Variants in PCCA observed in about 807,000 individuals in gnomAD.
PCCA encodes the protein propionyl-CoA carboxylase alpha chain, mitochondrial.
A neutral mutation model predicts 101.3 loss-of-function variants in PCCA; 74 were observed. The ratio of observed to expected loss-of-function variants is 0.73; its 90% confidence interval spans 0.61 to 0.89. The LOEUF (loss-of-function observed/expected upper bound fraction) is 0.89. Among genes scored for constraint, PCCA ranks in the 40% least tolerant of loss-of-function variants. PCCA has a pLI of 0.00. For synonymous variants in PCCA, 294 were observed against 313.6 expected (o/e 0.94, Z 0.66); for missense variants, 891 against 907.0 (o/e 0.98, Z 0.23).
At chr13:100,319,276 T>G (rs1283410296) in intron 16 of PCCA, among the ~76,000 whole-genome samples, 3 of 152,160 alleles carry the variant, frequency 2.0e-5, no homozygotes, top group African/African-American at 4.8e-5. Flanking sequence ...TTTCTCCCAT[T>G]CTGTAGGTTG....
chr13:100,308,758 T>C (rs1212137414), intron 15 of PCCA, among the ~76,000 whole-genome samples: 3 of 152,230 alleles, frequency 2.0e-5, no homozygotes, highest in Non-Finnish European at 4.4e-5. Flanking sequence ...ATGAATGTTT[T>C]TCTCTTCAGA....
chr13:100,453,959 C>T (rs561540013), intron 21 of PCCA, among the ~76,000 whole-genome samples: 1 of 152,270 alleles, frequency 6.6e-6, no homozygotes, highest in African/African-American at 2.4e-5. Flanking sequence ...CAAGCTCCGC[C>T]TCCTGGGTTC....
In PCCA at chr13:100,515,462, A is replaced by T; in HGVS notation, c.1935A>T (p.Glu645Asp). The change falls in exon 22 of 24, where the codon GAA (glutamate) becomes GAT (aspartate). Residue 645 changes from glutamate to aspartate, a missense_variant. By Grantham distance (45) the Glu-to-Asp change is conservative (BLOSUM62 2). Coordinates refer to ENST00000376285, the MANE Select transcript of PCCA (RefSeq NM_000282.4). ...KVNILTRLAA[E>D]LNKFMLEKVT... ...ATATCTTAACCAGACTTGCCGCAGA[A>T]TTGAACAAATTTATGCTGGAAAAAG... is the stretch of plus-strand genomic sequence containing the variant. 1 of 1,614,180 alleles carries T rather than the reference A, an allele frequency of 6.2e-7. No homozygotes were observed. The highest frequency in any genetic ancestry group is 8.5e-7 in the Non-Finnish European group (1 of 1,180,012).
At chr13:100,303,092 A>G (rs1351650434) in intron 14 of PCCA, 94 bp downstream of exon 14, 1 of 813,452 alleles carries the variant, frequency 1.2e-6, no homozygotes, top group Non-Finnish European at 2.2e-6. Context: ...AAGGGTGTAA[A>G]TTGAAGGACA....
chr13:100,347,428 CTT>C (rs967697835), intron 18 of PCCA, among the ~76,000 whole-genome samples: 1 of 152,126 alleles, frequency 6.6e-6, no homozygotes, highest in African/African-American at 2.4e-5. Flanking sequence ...TACCTACACT[CTT>C]TTTTTCTTGT....
chr13:100,522,118 C>T (rs1483897703), intron 22 of PCCA, among the ~76,000 whole-genome samples: 1 of 152,230 alleles, frequency 6.6e-6, no homozygotes, highest in African/African-American at 2.4e-5. Context: ...TTCGGAAGTG[C>T]TTCATGCCCT....
intron 7 of PCCA, among the ~76,000 whole-genome samples, chr13:100,210,405 G>C (rs1177735232): frequency 6.6e-6 from 1 of 152,222 alleles, no homozygotes; most frequent in African/African-American, 2.4e-5. Flanking sequence ...TGTACTGTCA[G>C]ATCTCTGGAC....
chr13:100,335,006 A>G (rs932693896), intron 17 of PCCA, among the ~76,000 whole-genome samples: 2 of 152,244 alleles, frequency 1.3e-5, no homozygotes, highest in Non-Finnish European at 2.9e-5. Flanking sequence ...CTTCTAAAAG[A>G]AAAGAAAGAA....
chr13:100,389,405 C>T (rs1413570783), intron 19 of PCCA, among the ~76,000 whole-genome samples: 7 of 152,158 alleles, frequency 4.6e-5, no homozygotes. Context: ...AAACCAAATG[C>T]CGCATGTTCA....
intron 12 of PCCA, among the ~76,000 whole-genome samples, chr13:100,275,068 G>A (rs1173441780): frequency 6.7e-6 from 1 of 149,032 alleles, no homozygotes; most frequent in African/African-American, 2.4e-5. Flanking sequence ...GGGGGGGAGG[G>A]GGTGTTGAGT....
intron 4 of PCCA, among the ~76,000 whole-genome samples, chr13:100,142,881 G>T (rs1397933510): frequency 6.6e-6 from 1 of 152,184 alleles, no homozygotes; most frequent in Admixed American, 6.5e-5. Flanking sequence ...TCAGCTGGTG[G>T]CCCAGCATAG....
chr13:100,498,606 G>A (rs967686883), intron 21 of PCCA, among the ~76,000 whole-genome samples: 1 of 152,056 alleles, frequency 6.6e-6, no homozygotes, highest in African/African-American at 2.4e-5. Flanking sequence ...GTTCCAAGAC[G>A]ATTCATCACC....
intron 5 of PCCA, 57 bp downstream of exon 5, chr13:100,155,149 T>TATA: frequency 3.5e-6 from 4 of 1,129,918 alleles, no homozygotes; most frequent in Non-Finnish European, 5.3e-6. Flanking sequence ...AGCAGAAAGC[T>TATA]AGAGTTTGTA....
chr13:100,272,428 A>G (rs2063363383), intron 11 of PCCA, among the ~76,000 whole-genome samples: 1 of 152,192 alleles, frequency 6.6e-6, no homozygotes, highest in East Asian at 1.9e-4. Flanking sequence ...CTGGCCAACA[A>G]GACTATAACA....
chr13:100,342,353 T>A (rs1310459913), intron 18 of PCCA, among the ~76,000 whole-genome samples: 1 of 151,566 alleles, frequency 6.6e-6, no homozygotes, highest in African/African-American at 2.4e-5. Context: ...AGCCTTCATC[T>A]CCCGGGTTCA....
At chr13:100,361,724 C>T (rs574892287) in intron 18 of PCCA, among the ~76,000 whole-genome samples, 1 of 152,246 alleles carries the variant, frequency 6.6e-6, no homozygotes, top group African/African-American at 2.4e-5. Flanking sequence ...AGCCTCTAGC[C>T]TGGCTAGAAT....
At chr13:100,379,625 T>C (rs2076112022) in intron 19 of PCCA, among the ~76,000 whole-genome samples, 1 of 152,178 alleles carries the variant, frequency 6.6e-6, no homozygotes, top group African/African-American at 2.4e-5. Flanking sequence ...CAGTTCCATA[T>C]GGCTGGGGAG....
At chr13:100,090,023 C>T (rs1412369756) in intron 1 of PCCA, among the ~76,000 whole-genome samples, 1 of 152,220 alleles carries the variant, frequency 6.6e-6, no homozygotes, top group Non-Finnish European at 1.5e-5. Flanking sequence ...TTTGTTGAGG[C>T]ACTTGAACAC....
intron 6 of PCCA, among the ~76,000 whole-genome samples, chr13:100,183,328 C>G (rs1361254708): frequency 6.6e-6 from 1 of 152,112 alleles, no homozygotes; most frequent in African/African-American, 2.4e-5. Context: ...ACTTTTTGAG[C>G]TGGAAAGACC....
Sources: allele counts gnomAD v4.1 joint callset (sites outside exome capture counted in the v4.1 genomes callset), GRCh38; gene constraint gnomAD v4.1.1; transcripts MANE v1.5; gene names NCBI Gene and HGNC (gene_info 2026-07-23, HGNC 2026-07-21).